The following MGAT5 variants were observed in gnomAD, a reference collection of about 807,000 sequenced individuals.
The protein encoded by MGAT5 is alpha-1,6-mannosylglycoprotein 6-beta-N-acetylglucosaminyltransferase A.
MGAT5 carries 30 observed loss-of-function variants against 94.3 expected under a neutral mutation model. That is an observed-to-expected ratio of 0.32 (90% CI 0.24 to 0.43). MGAT5 has a LOEUF of 0.43. Among genes scored for constraint, MGAT5 ranks in the 20% least tolerant of loss-of-function variants. MGAT5 has a pLI of 1.00. For synonymous variants in MGAT5, 310 were observed against 322.9 expected, an observed-to-expected ratio of 0.96 and a Z score of 0.43; for missense variants, 691 against 905.5, an observed-to-expected ratio of 0.76 and a Z score of 3.04.
chr2:134,128,949 G>C (rs1685986499), intron 1 of MGAT5, among the ~76,000 whole-genome samples: 1 of 152,064 alleles, frequency 6.6e-6, no homozygotes, highest in South Asian at 2.1e-4. Flanking sequence ...CTTCCTCCTA[G>C]TTCAGTGGTT....
chr2:134,219,499 C>CT lies in MGAT5; in HGVS notation c.-142-34758dup, dbSNP rs555507073. ...ACAGTTCAATTATTGCACCCTAATG[C>CT]TTTTTCCTCACCAGAATGAGGAAGC... On this transcript the variant is annotated intron_variant, in intron 1 of 16. Transcript: ENST00000409645. Among the ~76,000 whole-genome samples the CT allele has an allele frequency of 1.5e-3, 226 of 152,276 alleles. 1 individual carries two copies. The highest frequency in any genetic ancestry group is 5.4e-3 in the African/African-American group (224 of 41,540).
At chr2:134,391,971 C>T (rs1255257746) in intron 10 of MGAT5, among the ~76,000 whole-genome samples, 1 of 152,172 alleles carries the variant, frequency 6.6e-6, no homozygotes, top group Non-Finnish European at 1.5e-5. Context: ...ATCCTGGTTT[C>T]CTGGCTCTGG....
At chr2:134,339,134 A>G (rs7598965) in intron 6 of MGAT5, among the ~76,000 whole-genome samples, 147,338 of 152,278 alleles carry the variant, frequency 0.97, 71,363 homozygotes, top group East Asian at 1. Flanking sequence ...AGATACATTT[A>G]CAGGATCCCA....
intron 1 of MGAT5, among the ~76,000 whole-genome samples, chr2:134,198,960 T>C (rs914960658): frequency 6.6e-6 from 1 of 152,260 alleles, no homozygotes; most frequent in Admixed American, 6.5e-5. Context: ...TGTTGTTACA[T>C]AGCTCCCTTG....
chr2:134,332,604 A>G (rs1013063938), intron 4 of MGAT5, among the ~76,000 whole-genome samples: 3 of 152,080 alleles, frequency 2.0e-5, no homozygotes, highest in African/African-American at 4.8e-5. Flanking sequence ...TAATTAAACT[A>G]AAGAACTTCT....
Position 134,361,029 on chromosome 2 carries a change from G to A in MGAT5, c.1247-1246G>A, listed in dbSNP as rs555989180. 5.3e-5 allele frequency among the ~76,000 whole-genome samples: 8 copies of A among 152,334 alleles called. No individual in the cohort carries two copies. The East Asian group carries it at 5.8e-4, about 11-fold the overall frequency. On this transcript the variant is annotated intron_variant, in intron 9 of 15. Coordinates refer to ENST00000281923, the MANE Select transcript of MGAT5 (RefSeq NM_002410.5). The stretch of plus-strand genomic sequence containing the variant: ...TCCCTTCTTCATTGTGTTCCCCTGC[G>A]TGCATGGCGGGCGACATTGGAGGCT...
intron 2 of MGAT5, among the ~76,000 whole-genome samples, chr2:134,278,501 C>T (rs911834331): frequency 6.6e-6 from 1 of 152,182 alleles, no homozygotes; most frequent in Non-Finnish European, 1.5e-5. Context: ...GCCTGGGTCA[C>T]ATGGGTCACC....
chr2:134,381,382 T>TTAGCTAGATAGATAGATAGATAGATAGA (rs1275452620), intron 10 of MGAT5, among the ~76,000 whole-genome samples: 1 of 108,512 alleles, frequency 9.2e-6, no homozygotes, highest in Non-Finnish European at 2.0e-5. Flanking sequence ...ATAAGATAGA[T>TTAGCTAGATAGATAGATAGATAGATAGA]TAGATAGATA....
At chr2:134,408,009 T>C (rs56355383) in intron 11 of MGAT5, among the ~76,000 whole-genome samples, 41,845 of 152,224 alleles carry the variant, frequency 0.27, 6,571 homozygotes, top group South Asian at 0.47. Flanking sequence ...GGCCCTATGC[T>C]AAGCCCTTTC....
intron 2 of MGAT5, among the ~76,000 whole-genome samples, chr2:134,274,552 G>A (rs768739351): frequency 7.0e-5 from 10 of 143,448 alleles, no homozygotes; most frequent in Non-Finnish European, 1.0e-4. Context: ...AGAACATTGT[G>A]TAGCTCTCTA....
In MGAT5 at chr2:134,428,466, CTT is replaced by C. The variant is rs548323137; in HGVS notation, c.1869+29_1869+30del. The C allele has an allele frequency of 1.3e-4, 209 of 1,599,848 alleles. 2 individuals carry two copies. The African/African-American group carries it at 2.5e-3, about 19-fold the overall frequency. The stretch of plus-strand genomic sequence containing the variant: ...TAAGGCTTATCAGAAGTCAGTCTGT[CTT>C]TGCTGTGTACTGCTTCCTGTGACGC... On this transcript the variant is annotated intron_variant, in intron 14 of 15. Transcript: ENST00000281923.
intron 1 of MGAT5, among the ~76,000 whole-genome samples, chr2:134,204,330 C>T (rs1679932269): frequency 6.6e-6 from 1 of 152,130 alleles, no homozygotes; most frequent in Non-Finnish European, 1.5e-5. Context: ...ATTCTAATTT[C>T]TGCCTAAGTC....
intron 1 of MGAT5, among the ~76,000 whole-genome samples, chr2:134,246,107 A>C (rs1299122841): frequency 6.8e-6 from 1 of 147,668 alleles, no homozygotes; most frequent in African/African-American, 2.5e-5. Flanking sequence ...AAATAAGACT[A>C]GTTTAGCCAC....
chr2:134,244,520 T>G (rs918191035), intron 1 of MGAT5, among the ~76,000 whole-genome samples: 25 of 152,140 alleles, frequency 1.6e-4, no homozygotes, highest in African/African-American at 6.0e-4. Flanking sequence ...TGAGACTCAT[T>G]TATCAGTCAC....
intron 1 of MGAT5, among the ~76,000 whole-genome samples, chr2:134,260,867 G>C (rs1488586362): frequency 6.6e-6 from 1 of 152,036 alleles, no homozygotes; most frequent in Non-Finnish European, 1.5e-5. Context: ...AAGGCTTTTA[G>C]TTACTGTATG....
intron 10 of MGAT5, among the ~76,000 whole-genome samples, chr2:134,390,330 C>T (rs779831448): frequency 6.6e-6 from 1 of 152,070 alleles, no homozygotes; most frequent in Non-Finnish European, 1.5e-5. Flanking sequence ...AAACAAAATC[C>T]AACTTCAGTT....
intron 4 of MGAT5, among the ~76,000 whole-genome samples, chr2:134,326,963 A>G (rs929584839): frequency 2.6e-5 from 4 of 152,146 alleles, no homozygotes; most frequent in Non-Finnish European, 5.9e-5. Context: ...CCTAATGTTA[A>G]CAACAAGTAC....
intron 10 of MGAT5, among the ~76,000 whole-genome samples, chr2:134,371,801 A>G (rs1680820387): frequency 6.6e-6 from 1 of 152,202 alleles, no homozygotes; most frequent in African/African-American, 2.4e-5. Flanking sequence ...AGGTCCAGGC[A>G]GGACTCTGAC....
At chr2:134,389,370 C>T (rs1682254280) in intron 10 of MGAT5, among the ~76,000 whole-genome samples, 1 of 152,194 alleles carries the variant, frequency 6.6e-6, no homozygotes. Flanking sequence ...AAAGTCATCT[C>T]AGGAAACAGA....
Sources: allele counts gnomAD v4.1 joint callset (sites outside exome capture counted in the v4.1 genomes callset), GRCh38; gene constraint gnomAD v4.1.1; transcripts MANE v1.5; gene names NCBI Gene and HGNC (gene_info 2026-07-23, HGNC 2026-07-21).